Variants in SLC66A3 observed in about 807,000 individuals in gnomAD.
SLC66A3 encodes the protein solute carrier family 66 member 3.
In SLC66A3, 23 loss-of-function variants were observed where a neutral mutation model predicts 25.5. The ratio of observed to expected loss-of-function variants is 0.90; its 90% CI spans 0.65 to 1.28. The LOEUF is 1.28. Among genes scored for constraint, SLC66A3 ranks in the 50% most tolerant of loss-of-function variants. SLC66A3 has a pLI of 0.00. For synonymous variants in SLC66A3, 108 were observed against 112.6 expected (o/e 0.96, Z 0.26); for missense variants, 246 against 262.1 (o/e 0.94, Z 0.42).
At position 11,164,347 on chromosome 2, in the gene SLC66A3, T is replaced by TA. The variant is rs1358628684; in HGVS notation, c.354+86_354+87insA. On this transcript the variant is annotated intron_variant, in intron 4 of 6. Transcript: ENST00000295083. ...GATATTTATATATATATATATATATTTTTTTTTTTTTGAAATGGAGTTTCA... is the reference window on the plus strand; with the variant it reads ...GATATTTATATATATATATATATATTATTTTTTTTTTTGAAATGGAGTTTCA... 9.2e-4 allele frequency: 67 copies of TA among 72,728 alleles called. 2 individuals carry two copies. The highest frequency in any genetic ancestry group is 1.4e-3 in the African/African-American group (17 of 11,792). The allele number at this position is 72,728 out of a possible 1,614,324, so 4.5% of individuals were successfully genotyped here.
intron 4 of SLC66A3, among the ~76,000 whole-genome samples, chr2:11,169,178 C>T (rs1572190109): frequency 6.6e-6 from 1 of 152,134 alleles, no homozygotes; most frequent in African/African-American, 2.4e-5. Context: ...ATAATTCTTC[C>T]TTGTCCAAGT....
At chr2:11,176,563 C>T (rs1662754148) in intron 6 of SLC66A3, among the ~76,000 whole-genome samples, 1 of 98,320 alleles carries the variant, frequency 1.0e-5, no homozygotes, top group Non-Finnish European at 2.0e-5. Flanking sequence ...GAGTCTCGCT[C>T]TGTCGCCCAG....
chr2:11,163,876 C>T (rs190839510), intron 3 of SLC66A3, among the ~76,000 whole-genome samples: 1 of 152,322 alleles, frequency 6.6e-6, no homozygotes, highest in Non-Finnish European at 1.5e-5. Flanking sequence ...TAGCTTTTGA[C>T]CATAAATCAG....
Position 11,160,114 on chromosome 2 carries a change from A to G in SLC66A3, c.144-352A>G, listed in dbSNP as rs551249648. Among the ~76,000 whole-genome samples, 14 of 152,324 alleles carry G rather than the reference A, an allele frequency of 9.2e-5. No homozygotes were observed. The East Asian group carries it at 2.3e-3, about 25-fold the overall frequency. On this transcript the variant is annotated intron_variant, in intron 1 of 6. Transcript: ENST00000295083. ...CAGCTGCCGGGGTCAGTGGGAGCCC[A>G]ACATGGCAGGCAGGCCAGAAGCGTG...
At position 11,155,500 on chromosome 2, in the gene SLC66A3, C is replaced by G; in HGVS notation, c.-47C>G. ...GCAGAGCTGCGCCGCCGAGGCTGAG[C>G]GGTCCCTTCTCGCTGCGGCCGCCCA... On this transcript the variant is annotated 5_prime_UTR_variant, in exon 1 of 7. Coordinates refer to ENST00000295083, the MANE Select transcript of SLC66A3 (RefSeq NM_152391.5). 6.9e-7 allele frequency: 1 copy of G among 1,453,346 alleles called. No homozygotes were observed. The highest frequency in any genetic ancestry group is 1.5e-5 in the African/African-American group (1 of 67,412). The allele number at this position is 1,453,346 out of a possible 1,614,324, so 90.0% of individuals were successfully genotyped here.
At chr2:11,177,696 T>A in intron 6 of SLC66A3, 41 bp from the exon 7 acceptor site, 1 of 1,337,246 alleles carries the variant, frequency 7.5e-7, no homozygotes, top group Non-Finnish European at 1.1e-6. Flanking sequence ...TTGGTCTGTA[T>A]TGTAAAGACA....
At chr2:11,170,802 G>A (rs1046218922) in intron 4 of SLC66A3, among the ~76,000 whole-genome samples, 7 of 151,730 alleles carry the variant, frequency 4.6e-5, no homozygotes, top group African/African-American at 1.7e-4. Flanking sequence ...TGTTGGCCAG[G>A]CTGGTCTCAA....
chr2:11,172,060 C>T lies in SLC66A3; in HGVS notation c.475+15C>T. 6.2e-7 allele frequency: 1 copy of T among 1,613,078 alleles called. No individual in the cohort carries two copies. The highest frequency in any genetic ancestry group is 8.5e-7 in the Non-Finnish European group (1 of 1,179,494). ...TACCTGTGCAAGTAAGAACCGGACTCACATGGTGGGGAGGCCTTTGGTAGC... is the reference window on the plus strand; with the variant it reads ...TACCTGTGCAAGTAAGAACCGGACTTACATGGTGGGGAGGCCTTTGGTAGC... On this transcript the variant is annotated intron_variant, in intron 5 of 6. Transcript: ENST00000295083.
chr2:11,169,380 G>C (rs560599681), intron 4 of SLC66A3, among the ~76,000 whole-genome samples: 8 of 152,156 alleles, frequency 5.3e-5, no homozygotes, highest in Non-Finnish European at 1.0e-4. Flanking sequence ...CTTCTCCAGG[G>C]GAGACAGAAG....
chr2:11,163,328 G>T (rs1572181051), intron 3 of SLC66A3, among the ~76,000 whole-genome samples: 1 of 152,138 alleles, frequency 6.6e-6, no homozygotes, highest in East Asian at 1.9e-4. Context: ...AATTGGTGGG[G>T]GGAGGAGTCA....
intron 5 of SLC66A3, chr2:11,172,630 GTTC>G (rs1662594378): frequency 8.3e-6 from 2 of 239,764 alleles, no homozygotes; most frequent in Non-Finnish European, 1.8e-5. Context: ...CTTCATCATG[GTTC>G]TTCTGCATCT....
At chr2:11,163,637 C>A (rs1662203700) in intron 3 of SLC66A3, among the ~76,000 whole-genome samples, 1 of 152,192 alleles carries the variant, frequency 6.6e-6, no homozygotes, top group Non-Finnish European at 1.5e-5. Context: ...CCCTTCCAGC[C>A]CTGGCCGCTG....
At chr2:11,165,084 G>GC (rs773639749) in intron 4 of SLC66A3, among the ~76,000 whole-genome samples, 17 of 150,938 alleles carry the variant, frequency 1.1e-4, no homozygotes, top group East Asian at 5.9e-4. Flanking sequence ...GGGCAGAGGG[G>GC]TCCTCACTTC....
intron 1 of SLC66A3, among the ~76,000 whole-genome samples, chr2:11,156,809 G>C (rs1281842347): frequency 6.6e-6 from 1 of 152,196 alleles, no homozygotes; most frequent in Non-Finnish European, 1.5e-5. Context: ...TGGATGGCAG[G>C]GTTGAGAGGC....
chr2:11,156,032 C>A (rs535910310), intron 1 of SLC66A3, among the ~76,000 whole-genome samples: 1 of 152,332 alleles, frequency 6.6e-6, no homozygotes, highest in South Asian at 2.1e-4. Context: ...TCGAGGCTGT[C>A]ATATTCATTG....
intron 5 of SLC66A3, chr2:11,172,762 C>G: frequency 2.3e-6 from 1 of 441,462 alleles, no homozygotes; most frequent in South Asian, 1.6e-5. Context: ...GTCTCGCTCT[C>G]TCTCACAGGC....
At chr2:11,157,207 C>T (rs1661938758) in intron 1 of SLC66A3, among the ~76,000 whole-genome samples, 1 of 152,252 alleles carries the variant, frequency 6.6e-6, no homozygotes, top group African/African-American at 2.4e-5. Context: ...TCTCCCAGCT[C>T]ACCTTAGTGA....
Position 11,177,884 on chromosome 2 carries a change from G to A in SLC66A3, c.*56G>A, listed in dbSNP as rs1450531327. 9.6e-7 allele frequency: 1 copy of A among 1,037,552 alleles called. No individual in the cohort carries two copies. Among genetic ancestry groups the A allele is most frequent in the Non-Finnish European group, 1.5e-6 (1 of 687,992 alleles). 64.3% of individuals were successfully genotyped at this position (1,037,552 alleles called of 1,614,324 possible). On this transcript the variant is annotated 3_prime_UTR_variant, in exon 7 of 7. Transcript: ENST00000295083. ...TTGAGTAACTGAACCAAAGGAAAAA[G>A]AAGCTCTTTGCTAAATTAAGGTCTT... is the stretch of plus-strand genomic sequence containing the variant.
chr2:11,155,653 G>A lies in SLC66A3; in HGVS notation c.107G>A (p.Gly36Asp), dbSNP rs1350055895. ...SAVLAARSARGLSLPSLLLEL... is the reference protein window; with the variant it reads ...SAVLAARSARDLSLPSLLLEL... ...GTGCTAGCGGCGCGCAGCGCGCGGG[G>A]CCTCAGCCTTCCGAGTTTACTTCTG... Residue 36 changes from glycine (G) to aspartate (D), a missense_variant, in exon 1 of 7, where the codon GGC becomes GAC. Physicochemically the swap from Gly to Asp is moderately conservative, Grantham distance 94. Coordinates refer to ENST00000295083, the MANE Select transcript of SLC66A3 (RefSeq NM_152391.5). 10 of 1,485,096 alleles carry A rather than the reference G, an allele frequency of 6.7e-6. No individual in the cohort carries two copies. The highest frequency in any genetic ancestry group is 8.0e-6 in the Non-Finnish European group (9 of 1,125,822). 92.0% of individuals were successfully genotyped at this position (1,485,096 alleles called of 1,614,324 possible).
Sources: gnomAD v4.1 joint callset for allele counts (sites outside exome capture counted in the v4.1 genomes callset) on GRCh38, gnomAD v4.1.1 for gene constraint, MANE v1.5 for transcripts, NCBI Gene and HGNC (gene_info 2026-07-23, HGNC 2026-07-21) for gene names.